The following REC114 variants were observed in gnomAD, a reference collection of about 807,000 sequenced individuals.
The protein encoded by REC114 is REC114 meiotic recombination protein, also known as meiotic recombination protein REC114.
Under a neutral mutation model 31.3 loss-of-function variants are expected in REC114, and 27 were observed. The ratio of observed to expected loss-of-function variants is 0.86; its 90% confidence interval spans 0.64 to 1.19. REC114 has a LOEUF of 1.19. REC114 is among the 50% of genes most tolerant of loss of function. The pLI, the probability that REC114 is intolerant of heterozygous loss-of-function variation, is 0.00. For missense variants in REC114, 344 were observed against 326.9 expected, an observed-to-expected ratio of 1.05 and a Z score of -0.40; for synonymous variants, 134 against 127.7, an observed-to-expected ratio of 1.05 and a Z score of -0.33.
At chr15:73,524,357 A>C (rs1369944128) in intron 2 of REC114, among the ~76,000 whole-genome samples, 1 of 152,224 alleles carries the variant, frequency 6.6e-6, no homozygotes, top group African/African-American at 2.4e-5. Flanking sequence ...AATGTTGAAG[A>C]TAAAGCCCAT....
chr15:73,464,983 C>G (rs553849810), intron 1 of REC114, among the ~76,000 whole-genome samples: 1 of 152,082 alleles, frequency 6.6e-6, no homozygotes, highest in Non-Finnish European at 1.5e-5. Context: ...CCTCTGCCTC[C>G]CAGGTTCAAG....
chr15:73,540,724 TAGAGAGGCAGAA>T (rs1894226490), intron 3 of REC114, among the ~76,000 whole-genome samples, 156 bp downstream of exon 3: 1 of 152,118 alleles, frequency 6.6e-6, no homozygotes, highest in African/African-American at 2.4e-5. Flanking sequence ...ACAAGGACCG[TAGAGAGGCAGAA>T]GCCTCATTAG....
chr15:73,448,293 G>A (rs1444268948), intron 1 of REC114, among the ~76,000 whole-genome samples: 1 of 151,856 alleles, frequency 6.6e-6, no homozygotes, highest in Non-Finnish European at 1.5e-5. Context: ...GTTGACCTGG[G>A]ATGCTGTATC....
chr15:73,550,263 A>G (rs553834295), intron 3 of REC114, among the ~76,000 whole-genome samples: 16 of 152,178 alleles, frequency 1.1e-4, no homozygotes, highest in South Asian at 6.2e-4. Flanking sequence ...TTGTAATCAA[A>G]TAAGTTTGAT....
intron 5 of REC114, 41 bp downstream of exon 5, chr15:73,556,432 G>C (rs1894469361): frequency 6.6e-7 from 1 of 1,515,654 alleles, no homozygotes; most frequent in Non-Finnish European, 9.1e-7. Flanking sequence ...GTCATGAGAA[G>C]CAGTGACCCC....
chr15:73,462,219 C>T (rs561649450), intron 1 of REC114, among the ~76,000 whole-genome samples: 10 of 152,082 alleles, frequency 6.6e-5, no homozygotes, highest in Non-Finnish European at 1.5e-4. Context: ...TGTGAGCCAT[C>T]GTGCCCAGCC....
chr15:73,551,469 A>G (rs1418227207), intron 4 of REC114, among the ~76,000 whole-genome samples: 1 of 152,192 alleles, frequency 6.6e-6, no homozygotes, highest in Non-Finnish European at 1.5e-5. Flanking sequence ...AAGAAAGAGT[A>G]TCACTTGCCT....
At chr15:73,464,113 C>A (rs990438283) in intron 1 of REC114, among the ~76,000 whole-genome samples, 3 of 151,784 alleles carry the variant, frequency 2.0e-5, no homozygotes, top group African/African-American at 7.3e-5. Flanking sequence ...AACATTTTTT[C>A]TCCTGGATCT....
chr15:73,495,988 A>T (rs1893516787), intron 2 of REC114, among the ~76,000 whole-genome samples: 1 of 152,172 alleles, frequency 6.6e-6, no homozygotes, highest in South Asian at 2.1e-4. Context: ...GCAGTTCCAA[A>T]AGATGGGAAA....
chr15:73,542,006 T>TA (rs944361747), intron 3 of REC114, among the ~76,000 whole-genome samples: 1 of 152,032 alleles, frequency 6.6e-6, no homozygotes, highest in African/African-American at 2.4e-5. Context: ...TATAATGGCC[T>TA]AAAAAACCAG....
intron 1 of REC114, among the ~76,000 whole-genome samples, chr15:73,469,935 G>T (rs902233131): frequency 6.6e-6 from 1 of 152,066 alleles, no homozygotes; most frequent in African/African-American, 2.4e-5. Flanking sequence ...GAGCCACTGT[G>T]CCTGGCCTTA....
intron 1 of REC114, among the ~76,000 whole-genome samples, chr15:73,460,055 A>AT (rs892726698): frequency 1.3e-5 from 2 of 152,012 alleles, no homozygotes; most frequent in African/African-American, 4.8e-5. Flanking sequence ...ATGTTCTAAC[A>AT]TTTTTTTTCT....
At chr15:73,531,386 A>G (rs993213298) in intron 2 of REC114, among the ~76,000 whole-genome samples, 2 of 152,144 alleles carry the variant, frequency 1.3e-5, no homozygotes, top group African/African-American at 4.8e-5. Flanking sequence ...CTCTATGGCA[A>G]GTCTTCATTA....
At chr15:73,535,208 G>A (rs1894138277) in intron 2 of REC114, among the ~76,000 whole-genome samples, 1 of 149,116 alleles carries the variant, frequency 6.7e-6, no homozygotes, top group African/African-American at 2.5e-5. Flanking sequence ...GGAAATAAAG[G>A]GTATTCAATT....
At position 73,551,065 on chromosome 15, in the gene REC114, A is replaced by G; in HGVS notation, c.461A>G (p.Gln154Arg). ...ITVQVPDGNI[Q>R]ELQLIPGPPR... ...GTGCAGGTGCCTGATGGAAACATCC[A>G]GGAGCTTCAGCTGATTCCTGGCCCA... Residue 154 changes from glutamine (Q) to arginine (R), a missense_variant, in exon 4 of 6, where the codon CAG becomes CGG. Gln to Arg is a conservative substitution (Grantham distance 43, BLOSUM62 1). Coordinates refer to ENST00000331090, the MANE Select transcript of REC114 (RefSeq NM_001042367.2). 1.2e-6 allele frequency: 2 copies of G among 1,613,816 alleles called. No individual in the cohort carries two copies. Among genetic ancestry groups the G allele is most frequent in the Non-Finnish European group, 1.7e-6 (2 of 1,179,826 alleles).
chr15:73,502,805 T>G (rs546862107), intron 2 of REC114, among the ~76,000 whole-genome samples: 5 of 152,238 alleles, frequency 3.3e-5, no homozygotes, highest in Non-Finnish European at 7.3e-5. Flanking sequence ...GAAAATTTTA[T>G]GTTGATTTTA....
intron 2 of REC114, among the ~76,000 whole-genome samples, chr15:73,507,899 CCTT>C (rs35659880): frequency 0.031 from 4,696 of 152,192 alleles, 122 homozygotes; most frequent in African/African-American, 0.073. Context: ...TTGGACATAA[CCTT>C]CTCAGAAAGC....
intron 2 of REC114, among the ~76,000 whole-genome samples, chr15:73,485,813 A>C (rs1893357375): frequency 6.6e-6 from 1 of 152,210 alleles, no homozygotes; most frequent in African/African-American, 2.4e-5. Context: ...GGAATAGCCT[A>C]CTACAGCCAC....
At chr15:73,559,428 T>C in intron 5 of REC114, among the ~76,000 whole-genome samples, 1 of 152,208 alleles carries the variant, frequency 6.6e-6, no homozygotes, top group Non-Finnish European at 1.5e-5. Flanking sequence ...GATAGGTTTG[T>C]TTTCAATCCA....
Sources: gnomAD v4.1 joint callset for allele counts (sites outside exome capture counted in the v4.1 genomes callset) on GRCh38, gnomAD v4.1.1 for gene constraint, MANE v1.5 for transcripts, NCBI Gene and HGNC (gene_info 2026-07-23, HGNC 2026-07-21) for gene names.